HHEX: variants seen among roughly 807,000 people sequenced by gnomAD.
HHEX encodes hematopoietically expressed homeobox.
Under a neutral mutation model 27.0 loss-of-function variants are expected in HHEX, and 8 were observed. The ratio of observed to expected loss-of-function variants is 0.30; its 90% CI spans 0.17 to 0.54. The LOEUF is 0.54. Ranked by LOEUF, HHEX falls within the 20% of genes least tolerant of loss-of-function variation. The probability of loss-of-function intolerance (pLI) is 0.95; values close to 1 mark genes in which losing one functional copy is unlikely to be tolerated. For missense variants in HHEX, 326 were observed against 357.2 expected (o/e 0.91, Z 0.70); for synonymous variants, 164 against 161.5 (o/e 1.02, Z -0.12).
In HHEX at chr10:92,694,592, A is replaced by G; in HGVS notation, c.637A>G (p.Ser213Gly). 1.2e-6 allele frequency: 2 copies of G among 1,614,190 alleles called. No homozygotes were observed. Among genetic ancestry groups the G allele is most frequent in the Non-Finnish European group, 1.7e-6 (2 of 1,180,010 alleles). Reference sequence around the variant, plus strand: ...AAAAGAAGAACTGGAAAGTTTGGACAGTTCCTGTGATCAGAGGCAAGATTT... The same window carrying G: ...AAAAGAAGAACTGGAAAGTTTGGACGGTTCCTGTGATCAGAGGCAAGATTT... ...NKKEELESLD[S>G]SCDQRQDLPS... Residue 213 changes from serine (S) to glycine (G), a missense_variant, in exon 4 of 4, where the codon AGT (serine) becomes GGT (glycine). By Grantham distance (56) the Ser-to-Gly change is moderately conservative. This residue lies in a region of HHEX where 68 missense variants were observed against 84.9 expected (regional missense o/e 0.80). Transcript: ENST00000282728.
At chr10:92,693,861 A>G (rs909589383) in intron 3 of HHEX, among the ~76,000 whole-genome samples, 3 of 152,240 alleles carry the variant, frequency 2.0e-5, no homozygotes, top group African/African-American at 7.2e-5. Flanking sequence ...AGTTTACCAG[A>G]GACCTTAAAA....
At chr10:92,692,821 T>G in intron 3 of HHEX, 69 bp downstream of exon 3, 1 of 1,284,262 alleles carries the variant, frequency 7.8e-7, no homozygotes, top group South Asian at 1.2e-5. Flanking sequence ...AAGGCTGTTA[T>G]GGGTTGTATG....
Position 92,690,187 on chromosome 10 carries a change from C to A in HHEX, c.201C>A (p.Thr67=), listed in dbSNP as rs779009264. 77 of 1,569,696 alleles carry A rather than the reference C, an allele frequency of 4.9e-5. No individual in the cohort carries two copies. In the South Asian group the frequency reaches 8.5e-4, roughly 17 times the overall value. The stretch of plus-strand genomic sequence containing the variant: ...CCAGCCTCGTGTCCCCCTACCGGAC[C>A]CCGGTGTACGAGCCCACGCCGATCC... ...SFTSLVSPYR[T]PVYEPTPIHP... Residue 67 remains threonine, a synonymous_variant, in exon 1 of 4, where the codon ACC becomes ACA. Coordinates refer to ENST00000282728, the MANE Select transcript of HHEX (RefSeq NM_002729.5).
At chr10:92,692,230 C>G (rs1391272437) in intron 1 of HHEX, 138 bp from the exon 2 acceptor site, 5 of 785,166 alleles carry the variant, frequency 6.4e-6, no homozygotes, top group Non-Finnish European at 1.0e-5. Context: ...GTTAGGTCCA[C>G]GTGCCGGTGG....
chr10:92,692,061 AAGCCC>A, intron 1 of HHEX: 1 of 232,454 alleles, frequency 4.3e-6, no homozygotes, highest in South Asian at 8.1e-5. Context: ...GTGGTATTGT[AAGCCC>A]AGCCGGTAGT....
At chr10:92,691,470 C>T (rs1845354139) in intron 1 of HHEX, 1 of 152,226 alleles carries the variant, frequency 6.6e-6, no homozygotes, top group African/African-American at 2.4e-5. Context: ...TCTAGCTCAG[C>T]CCTTTACCTT....
chr10:92,694,985 G>A lies in HHEX; in HGVS notation c.*217G>A. 3.9e-6 allele frequency: 2 copies of A among 517,418 alleles called. No individual in the cohort carries two copies. The highest frequency in any genetic ancestry group is 6.9e-6 in the Non-Finnish European group (2 of 290,806). 32.1% of individuals were successfully genotyped at this position (517,418 alleles called of 1,614,324 possible). On this transcript the variant is annotated 3_prime_UTR_variant, in exon 4 of 4. Transcript: ENST00000282728. ...ATAGTTTATGTACTGCTCTTAGGTTGTTTTGATAAAGTGACATTATAGTGA... is the reference window on the plus strand; with the variant it reads ...ATAGTTTATGTACTGCTCTTAGGTTATTTTGATAAAGTGACATTATAGTGA...
chr10:92,692,050 C>T (rs1213590399), intron 1 of HHEX: 2 of 216,136 alleles, frequency 9.3e-6, no homozygotes, highest in Non-Finnish European at 1.9e-5. Context: ...GAAAGAGGGT[C>T]GTGGTATTGT....
rs370000570 is a variant in HHEX, at chr10:92,690,282, C to T, written c.296C>T (p.Pro99Leu). The T allele has an allele frequency of 1.3e-6, 2 of 1,550,228 alleles. No homozygotes were observed. The highest frequency in any genetic ancestry group is 2.7e-5 in the African/African-American group (2 of 72,786). ...AAYGPGGFGG[P>L]LYPFPRTVND... ...TACGGACCCGGCGGCTTCGGGGGCC[C>T]TCTGTACCCCTTCCCGCGGACGGTG... The change falls in exon 1 of 4, where the codon CCT becomes CTT. Residue 99 changes from proline (P) to leucine (L), a missense_variant. Coordinates refer to ENST00000282728, the MANE Select transcript of HHEX (RefSeq NM_002729.5).
chr10:92,695,642 C>G lies in HHEX; in HGVS notation c.*874C>G, dbSNP rs1178145070. 6.6e-6 allele frequency: 1 copy of G among 152,106 alleles called. No individual in the cohort carries two copies. Among genetic ancestry groups the G allele is most frequent in the Non-Finnish European group, 1.5e-5 (1 of 68,028 alleles). The allele number at this position is 152,106 out of a possible 1,614,324, so 9.4% of individuals were successfully genotyped here. A position where few individuals can be genotyped will look rare whatever the true frequency, so the allele number is the denominator to read the frequency against. On this transcript the variant is annotated 3_prime_UTR_variant, in exon 4 of 4. Coordinates refer to ENST00000282728, the MANE Select transcript of HHEX (RefSeq NM_002729.5). The stretch of plus-strand genomic sequence containing the variant: ...TAAAGCCGTCCGTGGGACGACTGAC[C>G]TCGTTGCAAGTCTAATTCTTTGATT...
At position 92,692,501 on chromosome 10, in the gene HHEX, C is replaced by T. The variant is rs767789592; in HGVS notation, c.495C>T (p.Pro165=). The change falls in exon 2 of 4, where the codon CCC becomes CCT. Residue 165 remains proline, a synonymous_variant. Coordinates refer to ENST00000282728, the MANE Select transcript of HHEX (RefSeq NM_002729.5). ...KFETQKYLSP[P]ERKRLAKMLQ... is the part of the protein sequence containing the mutation. ...AGACGCAGAAATATCTCTCTCCGCC[C>T]GAGAGGAAGCGTCTGGCCAAGATGC... 6.4e-5 allele frequency: 103 copies of T among 1,613,788 alleles called. No individual in the cohort carries two copies. The highest frequency in any genetic ancestry group is 8.3e-5 in the Non-Finnish European group (98 of 1,179,966).
intron 1 of HHEX, chr10:92,691,549 A>ATGTTTTTGAG (rs1845355251): frequency 6.6e-6 from 1 of 152,058 alleles, no homozygotes; most frequent in East Asian, 1.9e-4. Context: ...TTGAGTTGTT[A>ATGTTTTTGAG]TCCTGTCTGT....
At chr10:92,694,519 A>C (rs1192785628) in intron 3 of HHEX, 28 bp from the exon 4 acceptor site, 4 of 1,528,958 alleles carry the variant, frequency 2.6e-6, no homozygotes, top group Admixed American at 1.7e-5. Context: ...TGATCCTTCC[A>C]ATCTCCATTT....
chr10:92,691,250 C>T (rs1284994776), intron 1 of HHEX, among the ~76,000 whole-genome samples: 3 of 152,122 alleles, frequency 2.0e-5, no homozygotes, highest in African/African-American at 7.2e-5. Context: ...GGCTTGTCCC[C>T]TCAATGTGCG....
At chr10:92,690,984 T>C (rs1845349091) in intron 1 of HHEX, among the ~76,000 whole-genome samples, 1 of 152,190 alleles carries the variant, frequency 6.6e-6, no homozygotes, top group African/African-American at 2.4e-5. Flanking sequence ...ATTTCCTCTG[T>C]GTGGGATGTG....
At chr10:92,692,300 C>T in intron 1 of HHEX, 68 bp from the exon 2 acceptor site, 1 of 1,534,118 alleles carries the variant, frequency 6.5e-7, no homozygotes, top group South Asian at 1.2e-5. Context: ...TCCCTGGGGC[C>T]CGACAGCTCT....
chr10:92,692,616 A>G (rs917973891), intron 2 of HHEX, 70 bp downstream of exon 2: 7 of 1,605,360 alleles, frequency 4.4e-6, no homozygotes, highest in Non-Finnish European at 5.1e-6. Flanking sequence ...TCGCCGGGCC[A>G]CCGAGAGAGA....
chr10:92,694,350 T>C (rs1166537278), intron 3 of HHEX, among the ~76,000 whole-genome samples, 197 bp from the exon 4 acceptor site: 1 of 152,174 alleles, frequency 6.6e-6, no homozygotes, highest in Non-Finnish European at 1.5e-5. Flanking sequence ...ATATAATCTT[T>C]GATATGACAG....
intron 1 of HHEX, among the ~76,000 whole-genome samples, chr10:92,691,037 T>C (rs1214641591): frequency 2.6e-5 from 4 of 152,194 alleles, no homozygotes; most frequent in Non-Finnish European, 5.9e-5. Flanking sequence ...CTATTTTTTT[T>C]CGAGGCTGTT....
Sources: allele counts gnomAD v4.1 joint callset (sites outside exome capture counted in the v4.1 genomes callset), GRCh38; gene constraint gnomAD v4.1.1; regional missense constraint gnomAD v4.1.1; transcripts MANE v1.5; gene names NCBI Gene and HGNC (gene_info 2026-07-23, HGNC 2026-07-21).